Variants in NKAIN3 observed in about 807,000 individuals in gnomAD.
NKAIN3 encodes sodium/potassium-transporting ATPase subunit beta-1-interacting protein 3.
NKAIN3 carries 25 observed loss-of-function variants against 30.2 expected under a neutral mutation model. That is an observed-to-expected ratio of 0.83 (90% confidence interval 0.60 to 1.16). The LOEUF (loss-of-function observed/expected upper bound fraction) is 1.16. Among genes scored for constraint, NKAIN3 ranks in the 50% most tolerant of loss-of-function variants. NKAIN3 has a pLI of 0.00. For missense variants in NKAIN3, 225 were observed against 254.1 expected, an observed-to-expected ratio of 0.89 and a Z score of 0.78; for synonymous variants, 91 against 89.6, an observed-to-expected ratio of 1.02 and a Z score of -0.09.
intron 5 of NKAIN3, among the ~76,000 whole-genome samples, chr8:62,943,613 A>G (rs886743575): frequency 1.3e-4 from 19 of 150,656 alleles, no homozygotes; most frequent in Non-Finnish European, 2.9e-5. Context: ...ACAACTCACA[A>G]TTGCAAAAAT....
At chr8:62,927,330 A>C (rs990630881) in intron 5 of NKAIN3, among the ~76,000 whole-genome samples, 1 of 152,178 alleles carries the variant, frequency 6.6e-6, no homozygotes, top group Non-Finnish European at 1.5e-5. Flanking sequence ...TTCCTTGAAC[A>C]CTTTCTCCCC....
intron 4 of NKAIN3, among the ~76,000 whole-genome samples, chr8:62,775,909 A>G (rs149069925): frequency 6.6e-6 from 1 of 152,148 alleles, no homozygotes; most frequent in East Asian, 1.9e-4. Context: ...TCCAGCTATT[A>G]TTGTTTTGGA....
intron 5 of NKAIN3, among the ~76,000 whole-genome samples, chr8:62,929,122 G>C (rs62508064): frequency 6.6e-6 from 1 of 152,154 alleles, no homozygotes; most frequent in African/African-American, 2.4e-5. Context: ...AGCATGCAGG[G>C]AATCACTTAC....
At chr8:62,621,130 A>G (rs1811608095) in intron 3 of NKAIN3, among the ~76,000 whole-genome samples, 1 of 152,196 alleles carries the variant, frequency 6.6e-6, no homozygotes, top group South Asian at 2.1e-4. Flanking sequence ...TTTAATTAAT[A>G]TTACTGACTG....
chr8:62,786,398 A>C lies in NKAIN3; in HGVS notation c.471+39269A>C, dbSNP rs1443643186. Among the ~76,000 whole-genome samples the C allele has an allele frequency of 9.2e-5, 14 of 152,088 alleles. No homozygotes were observed. The East Asian group carries it at 2.7e-3, about 29-fold the overall frequency. ...GAGGGACAGCTTGAGGATAATCAGT[A>C]CTTTCCAGTAAAACCCTGCCCCACT... On this transcript the variant is annotated intron_variant, in intron 4 of 6. Coordinates refer to ENST00000623646, the MANE Select transcript of NKAIN3 (RefSeq NM_001304533.3).
chr8:62,312,426 A>G lies in NKAIN3; in HGVS notation c.54+63299A>G, dbSNP rs569831691. 6.6e-5 allele frequency among the ~76,000 whole-genome samples: 10 copies of G among 150,712 alleles called. 2 individuals are homozygous for G. Among genetic ancestry groups the G allele is most frequent in the African/African-American group, 2.5e-4 (10 of 40,052 alleles). ...GGATTGCATGAGCCACTTCACTGGC[A>G]TCTTTTCTATCACCAGGCTAGACAG... On this transcript the variant is annotated intron_variant, in intron 1 of 6. Coordinates refer to ENST00000623646, the MANE Select transcript of NKAIN3 (RefSeq NM_001304533.3).
intron 1 of NKAIN3, among the ~76,000 whole-genome samples, chr8:62,462,581 A>G (rs1413791476): frequency 1.3e-5 from 2 of 152,184 alleles, no homozygotes; most frequent in African/African-American, 4.8e-5. Flanking sequence ...TTCTCTGAAT[A>G]ACCCCTGCAT....
intron 4 of NKAIN3, among the ~76,000 whole-genome samples, chr8:62,894,132 A>G (rs1821367065): frequency 6.6e-6 from 1 of 152,178 alleles, no homozygotes; most frequent in Non-Finnish European, 1.5e-5. Context: ...ATCTTAGTTG[A>G]TTTCAGTGGC....
At chr8:62,382,286 A>C (rs1352458603) in intron 1 of NKAIN3, among the ~76,000 whole-genome samples, 5 of 152,170 alleles carry the variant, frequency 3.3e-5, no homozygotes, top group African/African-American at 1.2e-4. Context: ...AAATATGTTT[A>C]CTATTCATTA....
intron 3 of NKAIN3, among the ~76,000 whole-genome samples, chr8:62,658,172 T>C (rs1023563509): frequency 2.0e-5 from 3 of 152,176 alleles, no homozygotes; most frequent in Non-Finnish European, 2.9e-5. Flanking sequence ...AGTCATGAAA[T>C]CATGCTATGA....
chr8:62,914,180 C>T (rs895208507), intron 4 of NKAIN3, among the ~76,000 whole-genome samples: 2 of 152,126 alleles, frequency 1.3e-5, no homozygotes, highest in African/African-American at 2.4e-5. Flanking sequence ...ATAACGAAAT[C>T]GTATCTTTTG....
chr8:62,529,771 G>A (rs987185496), intron 1 of NKAIN3, among the ~76,000 whole-genome samples: 5 of 152,190 alleles, frequency 3.3e-5, no homozygotes, highest in Admixed American at 6.5e-5. Flanking sequence ...CTAAGTGGAT[G>A]TGCTTTCTGG....
At chr8:62,585,557 C>T (rs1291561992) in intron 2 of NKAIN3, among the ~76,000 whole-genome samples, 1 of 152,016 alleles carries the variant, frequency 6.6e-6, no homozygotes, top group East Asian at 1.9e-4. Flanking sequence ...GAAAATGTTC[C>T]ACCTCAGATC....
rs560971169 is a variant in NKAIN3, at chr8:62,960,425, G to A, written c.604-4929G>A. On this transcript the variant is annotated intron_variant, in intron 6 of 6. Transcript: ENST00000623646. ...AGAATATCAATTCCTGACTTTCTCA[G>A]AACTTTGCTGGGTATTTGCCATTGA... 1.3e-3 allele frequency among the ~76,000 whole-genome samples: 197 copies of A among 151,948 alleles called. 1 individual carries two copies. The highest frequency in any genetic ancestry group is 4.7e-3 in the African/African-American group (194 of 41,434).
At chr8:62,933,897 AG>A (rs2130874785) in intron 5 of NKAIN3, among the ~76,000 whole-genome samples, 1 of 152,344 alleles carries the variant, frequency 6.6e-6, no homozygotes, top group African/African-American at 2.4e-5. Flanking sequence ...CTGAACAGAC[AG>A]TAATTGAAAA....
At chr8:62,500,573 C>T (rs571507599) in intron 1 of NKAIN3, among the ~76,000 whole-genome samples, 6 of 151,956 alleles carry the variant, frequency 3.9e-5, no homozygotes, top group Admixed American at 2.0e-4. Flanking sequence ...TGTGGTAGTA[C>T]ATAATGTGTG....
chr8:62,309,505 A>G (rs1814358534), intron 1 of NKAIN3, among the ~76,000 whole-genome samples: 1 of 150,554 alleles, frequency 6.6e-6, no homozygotes, highest in African/African-American at 2.5e-5. Flanking sequence ...GGCATGCATC[A>G]TGAAGCTGAT....
intron 1 of NKAIN3, among the ~76,000 whole-genome samples, chr8:62,332,334 C>T (rs1815383740): frequency 6.6e-6 from 1 of 151,976 alleles, no homozygotes; most frequent in Non-Finnish European, 1.5e-5. Context: ...ATATTCTGTA[C>T]TTATATTTTC....
At chr8:62,740,368 A>G (rs897877372) in intron 3 of NKAIN3, among the ~76,000 whole-genome samples, 4 of 152,184 alleles carry the variant, frequency 2.6e-5, no homozygotes, top group Non-Finnish European at 4.4e-5. Flanking sequence ...AGATGGGCTG[A>G]CTTGTGATGG....
Sources: gnomAD v4.1 joint callset for allele counts (sites outside exome capture counted in the v4.1 genomes callset) on GRCh38, gnomAD v4.1.1 for gene constraint, MANE v1.5 for transcripts, NCBI Gene and HGNC (gene_info 2026-07-23, HGNC 2026-07-21) for gene names.